PITPNC1: variants seen among roughly 807,000 people sequenced by gnomAD.
PITPNC1 encodes the protein cytoplasmic phosphatidylinositol transfer protein 1.
Under a neutral mutation model 44.7 loss-of-function variants are expected in PITPNC1, and 18 were observed. That is an observed-to-expected ratio of 0.40 (90% CI 0.28 to 0.60). The LOEUF (loss-of-function observed/expected upper bound fraction) is 0.60. PITPNC1 is among the 20% of genes least tolerant of loss of function. The pLI is 0.39. For missense variants in PITPNC1, 290 were observed against 418.4 expected (o/e 0.69, Z 2.68); for synonymous variants, 141 against 149.6 (o/e 0.94, Z 0.42).
At chr17:67,632,713 G>T (rs1199720656) in intron 6 of PITPNC1, among the ~76,000 whole-genome samples, 1 of 151,576 alleles carries the variant, frequency 6.6e-6, no homozygotes, top group African/African-American at 2.4e-5. Context: ...GATTACAGGC[G>T]CCCACCACCA....
intron 6 of PITPNC1, among the ~76,000 whole-genome samples, chr17:67,662,377 C>A (rs1157742315): frequency 6.6e-6 from 1 of 152,026 alleles, no homozygotes; most frequent in Non-Finnish European, 1.5e-5. Context: ...TTGCTTGAAC[C>A]CAGGAGGCGG....
At chr17:67,587,971 TGCTATGACAATA>T (rs915321885) in intron 5 of PITPNC1, among the ~76,000 whole-genome samples, 3 of 152,196 alleles carry the variant, frequency 2.0e-5, no homozygotes, top group Non-Finnish European at 4.4e-5. Flanking sequence ...TATTGAGGCT[TGCTATGACAATA>T]GCCATCGTGA....
chr17:67,492,070 G>C (rs1306127853), intron 1 of PITPNC1, among the ~76,000 whole-genome samples: 2 of 150,544 alleles, frequency 1.3e-5, no homozygotes, highest in Non-Finnish European at 2.9e-5. Context: ...TTTCTGAGAA[G>C]TTGTAAACTA....
chr17:67,536,512 C>T (rs2040532250), intron 2 of PITPNC1, among the ~76,000 whole-genome samples: 2 of 152,164 alleles, frequency 1.3e-5, no homozygotes, highest in African/African-American at 4.8e-5. Flanking sequence ...CAGGCATGAG[C>T]CACCGTGCCC....
intron 6 of PITPNC1, among the ~76,000 whole-genome samples, chr17:67,654,072 A>G (rs929684264): frequency 6.6e-6 from 1 of 152,162 alleles, no homozygotes; most frequent in African/African-American, 2.4e-5. Flanking sequence ...GACAGGGACA[A>G]TCTGCTCTGC....
chr17:67,630,382 C>G (rs564135665), intron 5 of PITPNC1, among the ~76,000 whole-genome samples: 1 of 152,282 alleles, frequency 6.6e-6, no homozygotes, highest in East Asian at 1.9e-4. Flanking sequence ...CTTTGGGAGG[C>G]CAAGGCGGAT....
chr17:67,518,601 A>G (rs2040286441), intron 1 of PITPNC1, among the ~76,000 whole-genome samples: 1 of 152,194 alleles, frequency 6.6e-6, no homozygotes, highest in African/African-American at 2.4e-5. Flanking sequence ...ACTTTAAAAC[A>G]TCCTGTAATC....
Position 67,642,841 on chromosome 17 carries a change from A to T in PITPNC1, c.462+10603A>T, listed in dbSNP as rs138882813. 4.9e-3 allele frequency among the ~76,000 whole-genome samples: 724 copies of T among 147,856 alleles called. 8 individuals carry two copies. Among genetic ancestry groups the T allele is most frequent in the African/African-American group, 0.017 (676 of 40,398 alleles). ...ACTTCATCCTAGAGAAAGAGTTTTC[A>T]TTTTTTTTTTTAATTTTTCAAGGGG... is the stretch of plus-strand genomic sequence containing the variant. On this transcript the variant is annotated intron_variant, in intron 6 of 8. Transcript: ENST00000581322.
intron 4 of PITPNC1, among the ~76,000 whole-genome samples, chr17:67,576,870 A>G (rs2041156590): frequency 6.6e-6 from 1 of 152,172 alleles, no homozygotes; most frequent in South Asian, 2.1e-4. Flanking sequence ...CATTTTTAAA[A>G]CATCATTTTA....
At chr17:67,629,351 C>CA (rs1431599805) in intron 5 of PITPNC1, among the ~76,000 whole-genome samples, 1 of 151,908 alleles carries the variant, frequency 6.6e-6, no homozygotes, top group Non-Finnish European at 1.5e-5. Flanking sequence ...CGGCTCACTG[C>CA]AATGTCCACC....
chr17:67,677,670 C>T (rs2042627193), intron 8 of PITPNC1, among the ~76,000 whole-genome samples: 2 of 151,704 alleles, frequency 1.3e-5, no homozygotes, highest in South Asian at 2.1e-4. Flanking sequence ...CAGGTTCAAG[C>T]GATTCTCCTT....
rs139648259 is a variant in PITPNC1, at chr17:67,484,712, C to T, written c.49-48090C>T. Reference sequence around the variant, plus strand: ...CAGCACTTTGGGAGGCCGAGGTGGGCGGATCACTTGAGGTCAGGAGTTCGA... The same window carrying T: ...CAGCACTTTGGGAGGCCGAGGTGGGTGGATCACTTGAGGTCAGGAGTTCGA... On this transcript the variant is annotated intron_variant, in intron 1 of 8. Coordinates refer to ENST00000581322, the MANE Select transcript of PITPNC1 (RefSeq NM_012417.4). Among the ~76,000 whole-genome samples, 657 of 152,098 alleles carry T rather than the reference C, an allele frequency of 4.3e-3. 7 individuals carry two copies. The highest frequency in any genetic ancestry group is 0.028 in the South Asian group (135 of 4,816).
At chr17:67,409,655 C>A (rs192711163) in intron 1 of PITPNC1, among the ~76,000 whole-genome samples, 55 of 151,932 alleles carry the variant, frequency 3.6e-4, no homozygotes, top group Non-Finnish European at 3.2e-4. Context: ...TCTCCTGTGT[C>A]AGCCTCCCAA....
intron 1 of PITPNC1, among the ~76,000 whole-genome samples, chr17:67,449,230 G>C (rs1479140219): frequency 6.6e-6 from 1 of 152,194 alleles, no homozygotes; most frequent in East Asian, 1.9e-4. Flanking sequence ...GAGTGACACA[G>C]CAAAGTGCCT....
At chr17:67,592,328 C>T (rs932335776) in intron 5 of PITPNC1, among the ~76,000 whole-genome samples, 11 of 152,050 alleles carry the variant, frequency 7.2e-5, no homozygotes, top group African/African-American at 7.2e-5. Context: ...CTTTTCTAGA[C>T]GAAATTATTA....
intron 1 of PITPNC1, among the ~76,000 whole-genome samples, chr17:67,464,025 C>G (rs1213946946): frequency 6.6e-6 from 1 of 152,096 alleles, no homozygotes. Flanking sequence ...GAAACCTCAT[C>G]TGTACTAAAA....
At chr17:67,555,672 C>CAAAAAA (rs67935513) in intron 4 of PITPNC1, among the ~76,000 whole-genome samples, 1 of 78,136 alleles carries the variant, frequency 1.3e-5, no homozygotes, top group African/African-American at 3.9e-5. Context: ...ACTAAAAATA[C>CAAAAAA]AAAAAAAAAA....
chr17:67,441,594 C>G (rs1435333099), intron 1 of PITPNC1, among the ~76,000 whole-genome samples: 1 of 152,192 alleles, frequency 6.6e-6, no homozygotes, highest in Non-Finnish European at 1.5e-5. Flanking sequence ...CTTTTGTCAG[C>G]CTTTCTTCTA....
At chr17:67,485,919 G>A (rs750596101) in intron 1 of PITPNC1, among the ~76,000 whole-genome samples, 34 of 152,218 alleles carry the variant, frequency 2.2e-4, no homozygotes, top group South Asian at 2.1e-4. Flanking sequence ...AATAACTTGC[G>A]TATTAAAGAA....
Sources: gnomAD v4.1 joint callset for allele counts (sites outside exome capture counted in the v4.1 genomes callset) on GRCh38, gnomAD v4.1.1 for gene constraint, MANE v1.5 for transcripts, NCBI Gene and HGNC (gene_info 2026-07-23, HGNC 2026-07-21) for gene names.